PRR14L: variants seen among roughly 807,000 people sequenced by gnomAD.
The protein encoded by PRR14L is proline rich 14 like.
Under a neutral mutation model 155.0 loss-of-function variants are expected in PRR14L, and 80 were observed. The ratio of observed to expected loss-of-function variants is 0.52; its 90% CI spans 0.43 to 0.62. The LOEUF is 0.62. Ranked by LOEUF, PRR14L falls within the 20% of genes least tolerant of loss-of-function variation. The pLI is 0.00. For synonymous variants in PRR14L, 883 were observed against 916.0 expected (o/e 0.96, Z 0.65); for missense variants, 2,469 against 2,548.0 (o/e 0.97, Z 0.67).
At chr22:31,746,097 T>A (rs748533247) in intron 1 of PRR14L, among the ~76,000 whole-genome samples, 4 of 151,938 alleles carry the variant, frequency 2.6e-5, no homozygotes, top group Non-Finnish European at 5.9e-5. Flanking sequence ...ACCCAGCAAA[T>A]ATTTTTATTT....
intron 1 of PRR14L, among the ~76,000 whole-genome samples, chr22:31,745,233 C>T (rs1489166911): frequency 6.6e-6 from 1 of 151,978 alleles, no homozygotes; most frequent in African/African-American, 2.4e-5. Flanking sequence ...AAAAATTAGC[C>T]GGGTGTGGTG....
rs941058053 is a variant in PRR14L at position 31,684,029 on chromosome 22, T to G, written c.*1498A>C. 2.0e-5 allele frequency: 3 copies of G among 152,062 alleles called. No individual in the cohort carries two copies. Among genetic ancestry groups the G allele is most frequent in the Non-Finnish European group, 4.4e-5 (3 of 68,052 alleles). 9.4% of individuals were successfully genotyped at this position (152,062 alleles called of 1,614,324 possible). A position where few individuals can be genotyped will look rare whatever the true frequency, so the allele number is the denominator to read the frequency against. On this transcript the variant is annotated 3_prime_UTR_variant, in exon 9 of 9. Transcript: ENST00000327423. ...CCTGACGATGACTTTTGCATCCCAC[T>G]CACTAGCCATGGAATGTTAATTCTC...
At chr22:31,748,319 A>T (rs572852203) in intron 1 of PRR14L, among the ~76,000 whole-genome samples, 1 of 152,204 alleles carries the variant, frequency 6.6e-6, no homozygotes, top group Non-Finnish European at 1.5e-5. Flanking sequence ...AGGGAAGTTC[A>T]TACACTAAAC....
intron 1 of PRR14L, among the ~76,000 whole-genome samples, chr22:31,747,475 T>C (rs115999017): frequency 0.014 from 2,149 of 149,486 alleles, 53 homozygotes; most frequent in African/African-American, 0.051. Flanking sequence ...TATCCTGCTC[T>C]CACATACTAG....
intron 4 of PRR14L, among the ~76,000 whole-genome samples, chr22:31,711,800 A>G (rs36118390): frequency 6.7e-6 from 1 of 150,292 alleles, no homozygotes; most frequent in African/African-American, 2.4e-5. Context: ...AAAAAAAAAA[A>G]GAAGATTCAA....
chr22:31,732,918 T>G (rs1316741271), intron 2 of PRR14L, among the ~76,000 whole-genome samples: 1 of 152,164 alleles, frequency 6.6e-6, no homozygotes, highest in Non-Finnish European at 1.5e-5. Context: ...GTTTCCAATA[T>G]TTTGCAATTA....
chr22:31,738,612 C>G lies in PRR14L; in HGVS notation c.249G>C (p.Leu83Phe). Residue 83 changes from leucine (L) to phenylalanine (F), a missense_variant, in exon 2 of 9, where the codon TTG (leucine) becomes TTC (phenylalanine). By Grantham distance (22) the Leu-to-Phe change is conservative. Transcript: ENST00000327423. ...ESCCEETYET[L>F]DHGSEPGRCG... ...ATCGCCCAGGCTCACTCCCATGATC[C>G]AAGGTCTCATAGGTTTCTTCACAAC... is the stretch of plus-strand genomic sequence containing the variant. 1 of 1,552,052 alleles carries G rather than the reference C, an allele frequency of 6.4e-7. No homozygotes were observed. Among genetic ancestry groups the G allele is most frequent in the Non-Finnish European group, 8.7e-7 (1 of 1,147,076 alleles).
intron 2 of PRR14L, among the ~76,000 whole-genome samples, chr22:31,734,091 T>C (rs1386317757): frequency 6.6e-6 from 1 of 152,018 alleles, no homozygotes; most frequent in Admixed American, 6.6e-5. Context: ...TCCTGCCTCA[T>C]CCTCCCGAAT....
At chr22:31,738,006 C>G (rs1051949816) in intron 2 of PRR14L, among the ~76,000 whole-genome samples, 1 of 151,094 alleles carries the variant, frequency 6.6e-6, no homozygotes, top group Non-Finnish European at 1.5e-5. Flanking sequence ...CAGAATGAGA[C>G]CTTCTTAAAA....
Position 31,714,804 on chromosome 22 carries a change from T to C in PRR14L, c.3035A>G (p.Gln1012Arg). The change falls in exon 4 of 9, where the codon CAA becomes CGA. Residue 1012 changes from glutamine to arginine, a missense_variant. Gln to Arg is a conservative substitution (Grantham distance 43). This residue lies in a region of PRR14L where 2,363 missense variants were observed against 2,371.6 expected (regional missense o/e 1.00). Transcript: ENST00000327423. ...TEPHGEVNHNQKDLLVSSGSN... is the reference protein window; with the variant it reads ...TEPHGEVNHNRKDLLVSSGSN... ...GCCTGAGCTGACCAGCAGATCCTTT[T>C]GGTTGTGGTTTACCTCCCCGTGAGG... 1.3e-6 allele frequency: 2 copies of C among 1,552,286 alleles called. No individual in the cohort carries two copies. Among genetic ancestry groups the C allele is most frequent in the Non-Finnish European group, 1.7e-6 (2 of 1,147,138 alleles).
rs2074476883 is a variant in PRR14L, at chr22:31,685,329, G to A, written c.*198C>T. On this transcript the variant is annotated 3_prime_UTR_variant, in exon 9 of 9. Transcript: ENST00000327423. The stretch of plus-strand genomic sequence containing the variant: ...TTCTATACTCAGCAGTAAAAGTAGA[G>A]GACCCTCCTTCACCAGTTTCTAAAA... 1.9e-5 allele frequency: 11 copies of A among 572,802 alleles called. No individual in the cohort carries two copies. The South Asian group carries it at 2.5e-4, about 13-fold the overall frequency. 35.5% of individuals were successfully genotyped at this position (572,802 alleles called of 1,614,324 possible).
rs35320368 is a variant in PRR14L at position 31,709,533 on chromosome 22, G to GTT, written c.5756+2548_5756+2549dup. ...GCTACTGCACCCAGACGCCTGTGGG[G>GTT]TTTTTTTTTTTTTTTTTTTTTTTTT... On this transcript the variant is annotated intron_variant, in intron 4 of 8. Transcript: ENST00000327423. 2.0e-3 allele frequency among the ~76,000 whole-genome samples: 181 copies of GTT among 88,600 alleles called. 4 individuals carry two copies. Among genetic ancestry groups the GTT allele is most frequent in the Non-Finnish European group, 3.1e-3 (139 of 45,512 alleles). The allele number at this position is 88,600 out of a possible 152,430, so 58.1% of individuals were successfully genotyped here. A position where few individuals can be genotyped will look rare whatever the true frequency, so the allele number is the denominator to read the frequency against.
At chr22:31,720,102 C>T (rs190566587) in intron 3 of PRR14L, among the ~76,000 whole-genome samples, 162 of 152,202 alleles carry the variant, frequency 1.1e-3, no homozygotes, top group Non-Finnish European at 2.0e-3. Context: ...GTACAATTAC[C>T]TCAGTGCTAT....
chr22:31,739,200 T>C (rs1191944284), intron 1 of PRR14L, among the ~76,000 whole-genome samples: 1 of 152,192 alleles, frequency 6.6e-6, no homozygotes, highest in African/African-American at 2.4e-5. Flanking sequence ...GAATAAGACA[T>C]GCCTAAAGCA....
At position 31,682,980 on chromosome 22, in the gene PRR14L, C is replaced by T. The variant is rs188015769; in HGVS notation, c.*2547G>A. On this transcript the variant is annotated 3_prime_UTR_variant, in exon 9 of 9. Coordinates refer to ENST00000327423, the MANE Select transcript of PRR14L (RefSeq NM_173566.3). The stretch of plus-strand genomic sequence containing the variant: ...AGCTGGAGCCTAGGTATATACATCA[C>T]CTTCAGGTAAGTAATTTCAAGTTTG... The T allele has an allele frequency of 6.6e-6, 1 of 152,336 alleles. No individual in the cohort carries two copies. Among genetic ancestry groups the T allele is most frequent in the Admixed American group, 6.5e-5 (1 of 15,286 alleles). 9.4% of individuals were successfully genotyped at this position (152,336 alleles called of 1,614,324 possible).
At chr22:31,722,672 G>A (rs944217161) in intron 3 of PRR14L, among the ~76,000 whole-genome samples, 3 of 151,700 alleles carry the variant, frequency 2.0e-5, no homozygotes, top group African/African-American at 7.3e-5. Context: ...ACAGACGCCC[G>A]CCACCATGCC....
At chr22:31,744,827 T>A (rs1370240794) in intron 1 of PRR14L, among the ~76,000 whole-genome samples, 1 of 152,208 alleles carries the variant, frequency 6.6e-6, no homozygotes, top group Admixed American at 6.5e-5. Context: ...ACTAAACAGA[T>A]CTTTATCATA....
chr22:31,729,672 T>G (rs779223422), intron 2 of PRR14L, among the ~76,000 whole-genome samples: 1 of 152,162 alleles, frequency 6.6e-6, no homozygotes, highest in African/African-American at 2.4e-5. Flanking sequence ...GCAAATACCA[T>G]ATGATTCCAC....
rs2074637594 is a variant in PRR14L at position 31,713,761 on chromosome 22, T to C, written c.4078A>G (p.Thr1360Ala). 6.4e-7 allele frequency: 1 copy of C among 1,552,412 alleles called. No individual in the cohort carries two copies. ...GGATCGCCATCGCCAGTTTCTCTGG[T>C]AACCAACTCCTCAGATTGCTCCCCA... is the stretch of plus-strand genomic sequence containing the variant. ...TVGEQSEELV[T>A]RETGDGDPVS... Residue 1360 changes from threonine (T) to alanine (A), a missense_variant, in exon 4 of 9, where the codon ACC (threonine) becomes GCC (alanine). Around this residue, in one of 2 missense-constraint regions of PRR14L, gnomAD observed 2,363 missense variants for 2,371.6 expected, o/e 1.00. Coordinates refer to ENST00000327423, the MANE Select transcript of PRR14L (RefSeq NM_173566.3).
Sources: gnomAD v4.1 joint callset for allele counts (sites outside exome capture counted in the v4.1 genomes callset) on GRCh38, gnomAD v4.1.1 for gene constraint, gnomAD v4.1.1 regional missense constraint, MANE v1.5 for transcripts, NCBI Gene and HGNC (gene_info 2026-07-23, HGNC 2026-07-21) for gene names.